PDE3B: variants seen among roughly 807,000 people sequenced by gnomAD.
PDE3B encodes the protein cGMP-inhibited 3',5'-cyclic phosphodiesterase 3B.
In PDE3B, 66 loss-of-function variants were observed where a neutral mutation model predicts 116.8. That is an observed-to-expected ratio of 0.56 (90% CI 0.46 to 0.69). The LOEUF (loss-of-function observed/expected upper bound fraction) is 0.69, where lower values mean the gene tolerates loss of function less well. PDE3B is among the 30% of genes least tolerant of loss of function. The pLI, the probability that PDE3B is intolerant of heterozygous loss-of-function variation, is 0.00. For synonymous variants in PDE3B, 595 were observed against 533.6 expected, an observed-to-expected ratio of 1.12 and a Z score of -1.59; for missense variants, 1,384 against 1,368.1, an observed-to-expected ratio of 1.01 and a Z score of -0.18.
chr11:14,891,149 CCACA>C, the PDE3B span: 1 of 985,324 alleles, frequency 1.0e-6, no homozygotes, highest in African/African-American at 1.7e-5. Context: ...GTCGGGACAC[CCACA>C]CACAAGCGGT....
chr11:14,817,860 T>C lies in PDE3B; in HGVS notation c.1523-323T>C, dbSNP rs570328208. ...TCTGATAGGGACACATAGGTGAAAG[T>C]TAAAGACCAATAGGAATTAGGAAAA... is the stretch of plus-strand genomic sequence containing the variant. On this transcript the variant is annotated intron_variant, in intron 5 of 15. Transcript: ENST00000282096. Among the ~76,000 whole-genome samples the C allele has an allele frequency of 2.0e-5, 3 of 152,290 alleles. No homozygotes were observed. The South Asian group carries it at 6.2e-4, about 32-fold the overall frequency.
chr11:14,780,103 A>T (rs2133907878), intron 2 of PDE3B, among the ~76,000 whole-genome samples: 1 of 152,340 alleles, frequency 6.6e-6, no homozygotes, highest in Non-Finnish European at 1.5e-5. Context: ...TCAATTCAAC[A>T]AGAAGAGCTA....
chr11:14,715,874 A>G (rs1033202357), intron 1 of PDE3B, among the ~76,000 whole-genome samples: 6 of 152,182 alleles, frequency 3.9e-5, no homozygotes, highest in Non-Finnish European at 7.3e-5. Context: ...ATGTCCAACA[A>G]TGATAGACTG....
chr11:14,780,638 C>G (rs1857961502), intron 2 of PDE3B, among the ~76,000 whole-genome samples: 1 of 152,002 alleles, frequency 6.6e-6, no homozygotes, highest in Non-Finnish European at 1.5e-5. Flanking sequence ...ACACAACATA[C>G]CAGAATCTCT....
intron 1 of PDE3B, among the ~76,000 whole-genome samples, chr11:14,761,607 G>A (rs925278492): frequency 2.0e-5 from 3 of 152,122 alleles, no homozygotes; most frequent in East Asian, 1.9e-4. Context: ...AAAACTTTTA[G>A]TACATTTTGT....
At chr11:14,835,160 C>A in intron 11 of PDE3B, 65 bp downstream of exon 11, 1 of 984,500 alleles carries the variant, frequency 1.0e-6, no homozygotes. Flanking sequence ...TTTCTCATTT[C>A]ATTACCTCTG....
chr11:14,881,647 C>A, the PDE3B span, among the ~76,000 whole-genome samples: 1 of 152,034 alleles, frequency 6.6e-6, no homozygotes, highest in Non-Finnish European at 1.5e-5. Flanking sequence ...TAAGTGAGTT[C>A]TCGCTCAGTT....
chr11:14,742,943 G>A (rs891893667), intron 1 of PDE3B, among the ~76,000 whole-genome samples: 1 of 152,128 alleles, frequency 6.6e-6, no homozygotes, highest in Admixed American at 6.6e-5. Flanking sequence ...TGGAAGCTTT[G>A]TCCCAGAGGG....
chr11:14,677,564 A>G (rs971452485), intron 1 of PDE3B, among the ~76,000 whole-genome samples: 4 of 152,032 alleles, frequency 2.6e-5, no homozygotes, highest in African/African-American at 9.7e-5. Flanking sequence ...AGTAAAATAG[A>G]TGTTTTTTGG....
At chr11:14,880,793 T>C in the PDE3B span, 1 of 1,583,938 alleles carries the variant, frequency 6.3e-7, no homozygotes, top group Non-Finnish European at 8.6e-7. Context: ...TAAAATATTG[T>C]ATAATTCCTA....
the PDE3B span, among the ~76,000 whole-genome samples, chr11:14,889,157 T>A: frequency 2.2e-5 from 3 of 136,624 alleles, no homozygotes; most frequent in African/African-American, 7.8e-5. Flanking sequence ...AATTTTAAAG[T>A]CCAGTTGTTT....
At chr11:14,796,195 G>A (rs1455959902) in intron 4 of PDE3B, among the ~76,000 whole-genome samples, 1 of 152,212 alleles carries the variant, frequency 6.6e-6, no homozygotes, top group Non-Finnish European at 1.5e-5. Context: ...TCCCTGCAAA[G>A]GACATGAACT....
intron 1 of PDE3B, among the ~76,000 whole-genome samples, chr11:14,678,498 A>G (rs900645681): frequency 6.6e-6 from 1 of 152,100 alleles, no homozygotes; most frequent in Non-Finnish European, 1.5e-5. Flanking sequence ...CCTGACCAGC[A>G]CTTGGTATTG....
chr11:14,673,777 C>G, intron 1 of PDE3B: 2 of 792,260 alleles, frequency 2.5e-6, no homozygotes, highest in Non-Finnish European at 4.6e-6. Context: ...AGATGTGGCA[C>G]TCCATACACC....
intron 12 of PDE3B, among the ~76,000 whole-genome samples, chr11:14,844,878 C>T (rs1479029231): frequency 6.6e-6 from 1 of 152,192 alleles, no homozygotes; most frequent in Non-Finnish European, 1.5e-5. Context: ...GGAGGCCTGC[C>T]TGCCTCTGTA....
the PDE3B span, chr11:14,892,320 C>T: frequency 3.0e-6 from 3 of 1,005,162 alleles, no homozygotes; most frequent in East Asian, 7.8e-5. Context: ...GCTCCGTGGC[C>T]ATTGGCTGAC....
At chr11:14,891,952 TCCC>T in the PDE3B span, 1 of 1,607,730 alleles carries the variant, frequency 6.2e-7, no homozygotes, top group Non-Finnish European at 8.5e-7. Flanking sequence ...CTGGCGGCCC[TCCC>T]TGCCCGGGGC....
intron 1 of PDE3B, among the ~76,000 whole-genome samples, chr11:14,723,048 C>T (rs1856170564): frequency 6.6e-6 from 1 of 152,054 alleles, no homozygotes; most frequent in Non-Finnish European, 1.5e-5. Flanking sequence ...TGGCATCTGG[C>T]CATTTGAATG....
Position 14,786,506 on chromosome 11 carries a change from C to A in PDE3B, c.1099C>A (p.Leu367Met). The A allele has an allele frequency of 6.2e-7, 1 of 1,612,664 alleles. No homozygotes were observed. Reference protein sequence around the residue: ...NEARNMVSDLLTDPSLPPQVI... With the variant: ...NEARNMVSDLMTDPSLPPQVI... Reference sequence around the variant, plus strand: ...GGCTCGCAATATGGTGTCAGATCTTCTGACTGATCCAAGCCTTCCACCACA... The same window carrying A: ...GGCTCGCAATATGGTGTCAGATCTTATGACTGATCCAAGCCTTCCACCACA... The change falls in exon 3 of 16, where the codon CTG becomes ATG. Residue 367 changes from leucine (L) to methionine (M), a missense_variant. Physicochemically the swap from Leu to Met is conservative, Grantham distance 15. Coordinates refer to ENST00000282096, the MANE Select transcript of PDE3B (RefSeq NM_000922.4).
Sources: allele counts gnomAD v4.1 joint callset (sites outside exome capture counted in the v4.1 genomes callset), GRCh38; gene constraint gnomAD v4.1.1; transcripts MANE v1.5; gene names NCBI Gene and HGNC (gene_info 2026-07-23, HGNC 2026-07-21).